Variants in HDAC9 observed in about 807,000 individuals in gnomAD.
HDAC9 encodes MEF-2 interacting transcription repressor (MITR) protein.
HDAC9 carries 41 observed loss-of-function variants against 139.4 expected under a neutral mutation model. The observed-to-expected ratio is 0.29, with a 90% CI of 0.23 to 0.38. The LOEUF is 0.38. Among genes scored for constraint, HDAC9 ranks in the 10% least tolerant of loss-of-function variants. The pLI is 1.00. For missense variants in HDAC9, 1,147 were observed against 1,297.0 expected, an observed-to-expected ratio of 0.88 and a Z score of 1.78; for synonymous variants, 517 against 476.2, an observed-to-expected ratio of 1.09 and a Z score of -1.12.
At chr7:18,555,931 A>G (rs949124261) in intron 2 of HDAC9, among the ~76,000 whole-genome samples, 3 of 152,092 alleles carry the variant, frequency 2.0e-5, no homozygotes, top group African/African-American at 4.8e-5. Flanking sequence ...ACCTTTTTAC[A>G]TAGGTTGGTC....
At chr7:18,619,481 G>A (rs1473180132) in intron 6 of HDAC9, among the ~76,000 whole-genome samples, 1 of 152,162 alleles carries the variant, frequency 6.6e-6, no homozygotes, top group Non-Finnish European at 1.5e-5. Flanking sequence ...AGCATCAAGG[G>A]CTGGAGCCAT....
At chr7:18,222,546 G>T (rs1223905674) in intron 2 of HDAC9, among the ~76,000 whole-genome samples, 1 of 152,094 alleles carries the variant, frequency 6.6e-6, no homozygotes, top group African/African-American at 2.4e-5. Flanking sequence ...GTACTGGACA[G>T]TATACATTAA....
chr7:18,537,325 A>C (rs1811232539), intron 2 of HDAC9, among the ~76,000 whole-genome samples: 1 of 152,168 alleles, frequency 6.6e-6, no homozygotes, highest in Non-Finnish European at 1.5e-5. Flanking sequence ...GGTTTGGGAT[A>C]GAGGAGAAAA....
At chr7:18,786,610 CT>C (rs1216998405) in intron 16 of HDAC9, among the ~76,000 whole-genome samples, 1 of 80,760 alleles carries the variant, frequency 1.2e-5, no homozygotes, top group Non-Finnish European at 2.5e-5. Context: ...TCCTTCCTTC[CT>C]TCCTTCCCTC....
At chr7:18,916,022 G>GAAAAAAAAAAAAAAAA (rs55866735) in intron 22 of HDAC9, among the ~76,000 whole-genome samples, 16 of 138,122 alleles carry the variant, frequency 1.2e-4, no homozygotes, top group Middle Eastern at 3.8e-3. Flanking sequence ...CCCCCCGCTG[G>GAAAAAAAAAAAAAAAA]AAAAAAAAAA....
At chr7:18,421,929 C>T (rs947258138) in intron 1 of HDAC9, among the ~76,000 whole-genome samples, 1 of 152,168 alleles carries the variant, frequency 6.6e-6, no homozygotes, top group East Asian at 1.9e-4. Flanking sequence ...GACTCCTAAT[C>T]TGGGTATATC....
rs553331897 is a variant in HDAC9 at position 18,951,767 on chromosome 7, T to A, written c.2938-2379T>A. On this transcript the variant is annotated intron_variant, in intron 23 of 25. Coordinates refer to ENST00000686413, the MANE Select transcript of HDAC9 (RefSeq NM_178425.4). ...AAATGAATATTTAATATTATTTTAT[T>A]AGTTATTAAATTATGAATAATGACA... Among the ~76,000 whole-genome samples the A allele has an allele frequency of 6.9e-4, 105 of 151,944 alleles. 2 individuals carry two copies. The highest frequency in any genetic ancestry group is 6.8e-3 in the Middle Eastern group (2 of 294).
chr7:18,577,986 C>T (rs1168885734), intron 2 of HDAC9, among the ~76,000 whole-genome samples: 2 of 152,088 alleles, frequency 1.3e-5, no homozygotes, highest in Non-Finnish European at 2.9e-5. Context: ...ACACACACAT[C>T]CTCCCCACTC....
chr7:18,642,099 G>A (rs1268721052), intron 8 of HDAC9, among the ~76,000 whole-genome samples: 4 of 152,084 alleles, frequency 2.6e-5, no homozygotes, highest in Non-Finnish European at 5.9e-5. Context: ...GTCCCGGTCT[G>A]TAAAGTTTCT....
intron 2 of HDAC9, among the ~76,000 whole-genome samples, chr7:18,507,481 C>A (rs1800166265): frequency 6.6e-6 from 1 of 151,362 alleles, no homozygotes; most frequent in African/African-American, 2.4e-5. Flanking sequence ...GCGTGAGCCA[C>A]CGCACCCGGC....
intron 1 of HDAC9, among the ~76,000 whole-genome samples, chr7:18,474,199 C>T (rs1794939244): frequency 1.3e-5 from 2 of 152,300 alleles, no homozygotes; most frequent in Non-Finnish European, 2.9e-5. Flanking sequence ...TTAAAAACAA[C>T]AATGTGGCAA....
At chr7:18,470,614 A>G (rs1794650245) in intron 1 of HDAC9, among the ~76,000 whole-genome samples, 1 of 152,224 alleles carries the variant, frequency 6.6e-6, no homozygotes, top group Non-Finnish European at 1.5e-5. Flanking sequence ...TTTGCAGGCT[A>G]TATGGCCTCT....
intron 25 of HDAC9, among the ~76,000 whole-genome samples, chr7:18,978,067 A>G (rs926153486): frequency 6.6e-6 from 1 of 152,130 alleles, no homozygotes; most frequent in African/African-American, 2.4e-5. Flanking sequence ...GGCTTTCAAA[A>G]TGAGATAAAG....
intron 7 of HDAC9, among the ~76,000 whole-genome samples, chr7:18,633,797 T>C (rs1044260300): frequency 1.4e-4 from 21 of 152,118 alleles, no homozygotes; most frequent in African/African-American, 5.1e-4. Context: ...TCTCTAGCTA[T>C]ATTTCTAGGA....
At chr7:18,863,285 A>G (rs547422420) in intron 21 of HDAC9, among the ~76,000 whole-genome samples, 116 of 152,234 alleles carry the variant, frequency 7.6e-4, no homozygotes, top group South Asian at 1.7e-3. Context: ...TTCAACAACT[A>G]TTTATTGAGT....
chr7:18,896,919 C>G (rs184622725), intron 22 of HDAC9, among the ~76,000 whole-genome samples: 33 of 152,072 alleles, frequency 2.2e-4, no homozygotes, highest in Admixed American at 1.3e-3. Context: ...AAATTTTCCA[C>G]TGAGGAAAAT....
At chr7:18,128,048 G>A (rs1784780230) in intron 1 of HDAC9, among the ~76,000 whole-genome samples, 1 of 151,962 alleles carries the variant, frequency 6.6e-6, no homozygotes, top group Non-Finnish European at 1.5e-5. Context: ...GAATACAGAG[G>A]GAAAAGTTAC....
rs563830318 is a variant in HDAC9 at position 18,509,764 on chromosome 7, C to A, written c.22+13440C>A. Among the ~76,000 whole-genome samples the A allele has an allele frequency of 4.6e-5, 7 of 151,984 alleles. No individual in the cohort carries two copies. The East Asian group carries it at 9.7e-4, about 21-fold the overall frequency. Reference sequence around the variant, plus strand: ...TACGTGTATTTTTTTTCTCTTTCTCCCTTCTCTCTCGATCCTCATAGTCCT... The same window carrying A: ...TACGTGTATTTTTTTTCTCTTTCTCACTTCTCTCTCGATCCTCATAGTCCT... On this transcript the variant is annotated intron_variant, in intron 2 of 25. Coordinates refer to ENST00000686413, the MANE Select transcript of HDAC9 (RefSeq NM_178425.4).
chr7:18,307,108 TG>T (rs1335015633), intron 1 of HDAC9, among the ~76,000 whole-genome samples: 13 of 98,580 alleles, frequency 1.3e-4, no homozygotes, highest in Admixed American at 2.9e-4. Context: ...TGTGTGTGTG[TG>T]TGTGTGTGTG....
Sources: gnomAD v4.1 joint callset for allele counts (sites outside exome capture counted in the v4.1 genomes callset) on GRCh38, gnomAD v4.1.1 for gene constraint, MANE v1.5 for transcripts, NCBI Gene and HGNC (gene_info 2026-07-23, HGNC 2026-07-21) for gene names.